The following PLXNC1 variants were observed in gnomAD, a reference collection of about 807,000 sequenced individuals.
The protein encoded by PLXNC1 is plexin C1.
PLXNC1 carries 75 observed loss-of-function variants against 178.2 expected under a neutral mutation model. The observed-to-expected ratio is 0.42, with a 90% CI of 0.35 to 0.51. The LOEUF is 0.51. PLXNC1 is among the 20% of genes least tolerant of loss of function. The probability of loss-of-function intolerance (pLI) is 0.02; values close to 1 mark genes in which losing one functional copy is unlikely to be tolerated. For missense variants in PLXNC1, 1,503 were observed against 1,984.4 expected, an observed-to-expected ratio of 0.76 and a Z score of 4.61; for synonymous variants, 790 against 779.9, an observed-to-expected ratio of 1.01 and a Z score of -0.22.
chr12:94,273,210 T>G (rs1229548864), intron 21 of PLXNC1, among the ~76,000 whole-genome samples: 1 of 152,196 alleles, frequency 6.6e-6, no homozygotes, highest in African/African-American at 2.4e-5. Flanking sequence ...ATTACAAATC[T>G]AGAACCATAT....
At chr12:94,251,390 C>T (rs1346700625) in intron 14 of PLXNC1, 36 bp from the exon 15 acceptor site, 1 of 1,232,018 alleles carries the variant, frequency 8.1e-7, no homozygotes, top group Admixed American at 1.7e-5. Context: ...CAGTCCCCAA[C>T]TCAATTGGGT....
At chr12:94,244,052 T>C (rs747345949) in intron 12 of PLXNC1, 27 bp downstream of exon 12, 8 of 1,337,632 alleles carry the variant, frequency 6.0e-6, no homozygotes, top group East Asian at 2.3e-5. Flanking sequence ...TTTGTAATAA[T>C]AGTTGTTTTC....
chr12:94,246,585 C>T (rs1187162355), intron 12 of PLXNC1, among the ~76,000 whole-genome samples: 1 of 152,168 alleles, frequency 6.6e-6, no homozygotes, highest in East Asian at 1.9e-4. Context: ...TCGCATGGCG[C>T]GAGTTTGTCA....
chr12:94,181,561 A>T lies in PLXNC1; in HGVS notation c.1319A>T (p.Tyr440Phe). 1 of 1,607,654 alleles carries T rather than the reference A, an allele frequency of 6.2e-7. No individual in the cohort carries two copies. Among genetic ancestry groups the T allele is most frequent in the Non-Finnish European group, 8.5e-7 (1 of 1,175,808 alleles). The part of the protein sequence containing the change: ...VPDPVKNIYI[Y>F]LTAGKEVRRI... ...GATCCTGTGAAGAATATCTACATTT[A>T]TCTAACAGCTGGGAAAGAGGTAGGT... Residue 440 changes from tyrosine to phenylalanine, a missense_variant, in exon 3 of 31, where the codon TAT (tyrosine) becomes TTT (phenylalanine). Coordinates refer to ENST00000258526, the MANE Select transcript of PLXNC1 (RefSeq NM_005761.3).
At position 94,306,211 on chromosome 12, in the gene PLXNC1, T is replaced by C. The variant is rs953502912; in HGVS notation, c.*926T>C. On this transcript the variant is annotated 3_prime_UTR_variant, in exon 31 of 31. Coordinates refer to ENST00000258526, the MANE Select transcript of PLXNC1 (RefSeq NM_005761.3). ...TTCTGGTGAACCCTGTGGTTATGAA[T>C]ACTTGTGTGTGATTTAAAAAAAAAA... The C allele has an allele frequency of 1.3e-5, 2 of 151,832 alleles. No homozygotes were observed. The highest frequency in any genetic ancestry group is 4.1e-4 in the South Asian group (2 of 4,822). The allele number at this position is 151,832 out of a possible 1,614,324, so 9.4% of individuals were successfully genotyped here. A position where few individuals can be genotyped will look rare whatever the true frequency, so the allele number is the denominator to read the frequency against.
At chr12:94,247,268 T>G (rs1179300968) in intron 12 of PLXNC1, among the ~76,000 whole-genome samples, 5 of 152,174 alleles carry the variant, frequency 3.3e-5, no homozygotes, top group Non-Finnish European at 5.9e-5. Flanking sequence ...TTTTTTGCAT[T>G]GTTTTCAGTT....
In PLXNC1 at chr12:94,149,826, C is replaced by T; in HGVS notation, c.855C>T (p.His285=). ...FQGQASLDCG[H]GHPDGRRLLL... ...GCCAGGCATCCCTCGACTGCGGCCACGGCCACCCCGACGGCCGCCGCCTGC... is the reference window on the plus strand; with the variant it reads ...GCCAGGCATCCCTCGACTGCGGCCATGGCCACCCCGACGGCCGCCGCCTGC... The change falls in exon 1 of 31, where the codon CAC becomes CAT. Residue 285 remains histidine (H), a synonymous_variant. Transcript: ENST00000258526. 1.9e-6 allele frequency: 3 copies of T among 1,596,314 alleles called. No homozygotes were observed. The highest frequency in any genetic ancestry group is 2.6e-6 in the Non-Finnish European group (3 of 1,172,950).
At chr12:94,296,619 C>A (rs1191442510) in intron 24 of PLXNC1, among the ~76,000 whole-genome samples, 1 of 152,202 alleles carries the variant, frequency 6.6e-6, no homozygotes, top group East Asian at 1.9e-4. Flanking sequence ...AGGGTCAGCT[C>A]CTTCCTACCT....
intron 2 of PLXNC1, among the ~76,000 whole-genome samples, chr12:94,177,053 ATGTGTG>A (rs63244061): frequency 0.089 from 12,280 of 137,440 alleles, 717 homozygotes; most frequent in African/African-American, 0.16. Context: ...TTTCATATAT[ATGTGTG>A]TGTGTGTGTG....
At chr12:94,198,187 A>C (rs1296115370) in intron 4 of PLXNC1, among the ~76,000 whole-genome samples, 1 of 152,194 alleles carries the variant, frequency 6.6e-6, no homozygotes, top group Non-Finnish European at 1.5e-5. Flanking sequence ...CATGGAATGA[A>C]AAGGAATGAG....
intron 1 of PLXNC1, among the ~76,000 whole-genome samples, chr12:94,162,651 T>G (rs952786581): frequency 6.6e-6 from 1 of 151,942 alleles, no homozygotes; most frequent in African/African-American, 2.4e-5. Context: ...CCTGTAGAGA[T>G]AGAGAAGGTG....
chr12:94,189,823 G>T (rs985821483), intron 4 of PLXNC1, among the ~76,000 whole-genome samples: 1 of 152,190 alleles, frequency 6.6e-6, no homozygotes, highest in Non-Finnish European at 1.5e-5. Flanking sequence ...TGGCAGAGAG[G>T]TGTCAAGGAA....
At chr12:94,295,667 A>G (rs574446777) in intron 24 of PLXNC1, among the ~76,000 whole-genome samples, 6 of 152,184 alleles carry the variant, frequency 3.9e-5, no homozygotes, top group African/African-American at 1.2e-4. Context: ...GATGAACCCA[A>G]CGATTATCCT....
At position 94,229,599 on chromosome 12, in the gene PLXNC1, T is replaced by C. The variant is rs574125037; in HGVS notation, c.1980+2364T>C. Among the ~76,000 whole-genome samples the C allele has an allele frequency of 3.9e-5, 6 of 152,362 alleles. No homozygotes were observed. The South Asian group carries it at 1.2e-3, about 32-fold the overall frequency. Reference sequence around the variant, plus strand: ...TATGGCATAAGAAATGGGTCTAACTTCATTCTTTTGCATGTGGATATCCAG... The same window carrying C: ...TATGGCATAAGAAATGGGTCTAACTCCATTCTTTTGCATGTGGATATCCAG... On this transcript the variant is annotated intron_variant, in intron 9 of 30. Transcript: ENST00000258526.
At chr12:94,255,165 A>G in intron 16 of PLXNC1, 28 bp from the exon 17 acceptor site, 1 of 1,535,150 alleles carries the variant, frequency 6.5e-7, no homozygotes. Flanking sequence ...TTGAGTTAAA[A>G]TATTGCTCTT....
At position 94,237,258 on chromosome 12, in the gene PLXNC1, A is replaced by G. The variant is rs376837998; in HGVS notation, c.1981-406A>G. ...ATTTATCTGGAATGACATTTATTTC[A>G]ACTTAACGATGAGTCTGTCATTGGC... On this transcript the variant is annotated intron_variant, in intron 9 of 30. Transcript: ENST00000258526. Among the ~76,000 whole-genome samples, 4 of 152,200 alleles carry G rather than the reference A, an allele frequency of 2.6e-5. No homozygotes were observed. The East Asian group carries it at 5.8e-4, about 22-fold the overall frequency.
intron 5 of PLXNC1, among the ~76,000 whole-genome samples, chr12:94,212,489 CGG>C (rs1963509255): frequency 7.2e-6 from 1 of 139,562 alleles, no homozygotes; most frequent in Non-Finnish European, 1.6e-5. Flanking sequence ...CCCCACCCCC[CGG>C]CAGGCCCCGG....
At chr12:94,267,882 G>A (rs1359746097) in intron 21 of PLXNC1, among the ~76,000 whole-genome samples, 1 of 151,764 alleles carries the variant, frequency 6.6e-6, no homozygotes, top group Non-Finnish European at 1.5e-5. Flanking sequence ...CCCCTCCCAA[G>A]CATGTACACC....
chr12:94,224,180 C>A, intron 6 of PLXNC1, 48 bp from the exon 7 acceptor site: 1 of 1,070,420 alleles, frequency 9.3e-7, no homozygotes, highest in Non-Finnish European at 1.5e-6. Flanking sequence ...CTATGCTTGA[C>A]TATAGCAGGA....
Sources: gnomAD v4.1 joint callset for allele counts (sites outside exome capture counted in the v4.1 genomes callset) on GRCh38, gnomAD v4.1.1 for gene constraint, MANE v1.5 for transcripts, NCBI Gene and HGNC (gene_info 2026-07-23, HGNC 2026-07-21) for gene names.